NKD1: variants seen among roughly 807,000 people sequenced by gnomAD.
The protein encoded by NKD1 is protein naked cuticle homolog 1.
A neutral mutation model predicts 56.0 loss-of-function variants in NKD1; 21 were observed. That is an observed-to-expected ratio of 0.38 (90% CI 0.27 to 0.54). The LOEUF (loss-of-function observed/expected upper bound fraction) is 0.54. NKD1 is among the 20% of genes least tolerant of loss of function. NKD1 has a pLI of 0.82. For missense variants in NKD1, 578 were observed against 642.7 expected (o/e 0.90, Z 1.09); for synonymous variants, 263 against 265.7 (o/e 0.99, Z 0.10).
At chr16:50,608,036 T>C in intron 3 of NKD1, 3 of 483,102 alleles carry the variant, frequency 6.2e-6, no homozygotes, top group South Asian at 2.4e-5. Context: ...GTTGGTGAAA[T>C]GTGGGAGGCA....
chr16:50,573,815 C>T (rs1328815392), intron 3 of NKD1: 3 of 985,320 alleles, frequency 3.0e-6, no homozygotes, highest in East Asian at 2.3e-4. Context: ...TGAGAACTCT[C>T]ACGGAAACGG....
At position 50,612,418 on chromosome 16, in the gene NKD1, T is replaced by G. The variant is rs548206217; in HGVS notation, c.259+4058T>G. Among the ~76,000 whole-genome samples, 20 of 152,354 alleles carry G rather than the reference T, an allele frequency of 1.3e-4. No homozygotes were observed. The South Asian group carries it at 4.1e-3, about 32-fold the overall frequency. Reference sequence around the variant, plus strand: ...CCCTCACTCCTCACCATTCAGTATGTGCTGGGCATTTGCTGCAGCTAGGGG... The same window carrying G: ...CCCTCACTCCTCACCATTCAGTATGGGCTGGGCATTTGCTGCAGCTAGGGG... On this transcript the variant is annotated intron_variant, in intron 4 of 9. Coordinates refer to ENST00000268459, the MANE Select transcript of NKD1 (RefSeq NM_033119.5).
chr16:50,592,791 C>T (rs908604407), intron 3 of NKD1, among the ~76,000 whole-genome samples: 4 of 141,030 alleles, frequency 2.8e-5, no homozygotes, highest in Non-Finnish European at 3.1e-5. Flanking sequence ...GGGGAGGGGG[C>T]GGAATTGAAG....
In NKD1 at chr16:50,633,696, G is replaced by T; in HGVS notation, c.1328G>T (p.Ser443Ile). The change falls in exon 10 of 10, where the codon AGC becomes ATC. Residue 443 changes from serine to isoleucine, a missense_variant. Physicochemically the swap from Ser to Ile is moderately radical, Grantham distance 142. Transcript: ENST00000268459. This position sits in a 1 kb window ranked among gnomAD's most constrained non-coding sequence, Gnocchi z 4.9. ...RELPALVVYE[S>I]QAGQPVQRHE... ...CTGCCCGCCTTGGTGGTGTATGAGA[G>T]CCAGGCCGGGCAGCCGGTCCAGAGA... The T allele has an allele frequency of 6.3e-7, 1 of 1,593,790 alleles. No homozygotes were observed. The highest frequency in any genetic ancestry group is 1.1e-5 in the South Asian group (1 of 88,622).
intron 3 of NKD1, among the ~76,000 whole-genome samples, chr16:50,581,713 A>G (rs1567340141): frequency 6.6e-6 from 1 of 152,170 alleles, no homozygotes; most frequent in Non-Finnish European, 1.5e-5. Context: ...TGGGGCTTCC[A>G]CAGAGCTGGT....
intron 3 of NKD1, among the ~76,000 whole-genome samples, chr16:50,576,132 C>A (rs1960989047): frequency 6.6e-6 from 1 of 152,212 alleles, no homozygotes; most frequent in Admixed American, 6.5e-5. Context: ...TTGGCTTATT[C>A]CTGCCTTTTG....
Position 50,642,882 on chromosome 16 carries a change from A to G in NKD1, c.*9101A>G, listed in dbSNP as rs1462001822. The G allele has an allele frequency of 6.6e-6, 1 of 152,140 alleles. No individual in the cohort carries two copies. Among genetic ancestry groups the G allele is most frequent in the Non-Finnish European group, 1.5e-5 (1 of 68,044 alleles). The allele number at this position is 152,140 out of a possible 1,614,324, so 9.4% of individuals were successfully genotyped here. A position where few individuals can be genotyped will look rare whatever the true frequency, so the allele number is the denominator to read the frequency against. On this transcript the variant is annotated 3_prime_UTR_variant, in exon 10 of 10. Transcript: ENST00000268459. Reference sequence around the variant, plus strand: ...TTTCCCTCTCAAGTTTGATGGGATCACTCTGTTCCTTCCAGACCCGACTTG... The same window carrying G: ...TTTCCCTCTCAAGTTTGATGGGATCGCTCTGTTCCTTCCAGACCCGACTTG...
intron 4 of NKD1, among the ~76,000 whole-genome samples, chr16:50,620,765 T>C (rs972327790): frequency 1.3e-5 from 2 of 152,202 alleles, no homozygotes; most frequent in Non-Finnish European, 2.9e-5. Flanking sequence ...ACAATGATGC[T>C]ACCCGGAGCT....
chr16:50,621,453 G>A (rs1417585306), intron 4 of NKD1, 149 bp from the exon 5 acceptor site: 14 of 587,496 alleles, frequency 2.4e-5, no homozygotes, highest in Non-Finnish European at 3.9e-5. Flanking sequence ...GTAGTGTGAT[G>A]TTGACCCCAG....
rs1450519803 is a variant in NKD1, at chr16:50,646,113, C to T, written c.*12332C>T. The T allele has an allele frequency of 5.7e-5, 1 of 17,564 alleles. No homozygotes were observed. The highest frequency in any genetic ancestry group is 1.1e-4 in the Non-Finnish European group (1 of 9,428). The allele number at this position is 17,564 out of a possible 1,614,324, so 1.1% of individuals were successfully genotyped here. On this transcript the variant is annotated 3_prime_UTR_variant, in exon 10 of 10. Coordinates refer to ENST00000268459, the MANE Select transcript of NKD1 (RefSeq NM_033119.5). ...GGCTTCTGTGGAGACAAGATGCTAA[C>T]GGGGGCGGGGGAAGGGGGCCAGGGG...
In NKD1 at chr16:50,636,103, T is replaced by G. The variant is rs1033404469; in HGVS notation, c.*2322T>G. 1.3e-5 allele frequency: 2 copies of G among 152,256 alleles called. No individual in the cohort carries two copies. Among genetic ancestry groups the G allele is most frequent in the African/African-American group, 2.4e-5 (1 of 41,434 alleles). The allele number at this position is 152,256 out of a possible 1,614,324, so 9.4% of individuals were successfully genotyped here. On this transcript the variant is annotated 3_prime_UTR_variant, in exon 10 of 10. Transcript: ENST00000268459. ...AGGATTCTGCTTGGCTGGGCTTCGA[T>G]CTGGTACCCATAGCTGGACCAATCA...
At chr16:50,562,553 GA>G (rs1334046010) in intron 3 of NKD1, among the ~76,000 whole-genome samples, 1 of 152,204 alleles carries the variant, frequency 6.6e-6, no homozygotes, top group Non-Finnish European at 1.5e-5. Flanking sequence ...AGTGGAGAGA[GA>G]AGACAGCAGC....
At chr16:50,566,815 A>C (rs377176371) in intron 3 of NKD1, among the ~76,000 whole-genome samples, 8 of 152,280 alleles carry the variant, frequency 5.3e-5, no homozygotes, top group African/African-American at 1.7e-4. Context: ...CCTTCCTTTC[A>C]AGCTTCTGAC....
intron 3 of NKD1, chr16:50,557,084 T>A (rs1170022891): frequency 2.0e-5 from 3 of 152,120 alleles, no homozygotes; most frequent in African/African-American, 7.2e-5. Context: ...GGGCATTGAG[T>A]ACCTGCTTTA....
intron 3 of NKD1, among the ~76,000 whole-genome samples, chr16:50,596,677 C>T (rs909427786): frequency 6.6e-6 from 1 of 152,248 alleles, no homozygotes; most frequent in Admixed American, 6.5e-5. Flanking sequence ...GTTCAACACA[C>T]GCTGGTCGAG....
chr16:50,631,542 C>T (rs575182374), intron 8 of NKD1, among the ~76,000 whole-genome samples: 1 of 152,304 alleles, frequency 6.6e-6, no homozygotes, highest in South Asian at 2.1e-4. Context: ...AAAGAAAAAA[C>T]AGTTCAAGCA....
chr16:50,574,337 C>T (rs542170539), intron 3 of NKD1: 1 of 985,226 alleles, frequency 1.0e-6, no homozygotes, highest in Non-Finnish European at 1.2e-6. Flanking sequence ...GCTGAGGTGT[C>T]CTGGGAGGGC....
chr16:50,585,425 C>A (rs1431905464), intron 3 of NKD1, among the ~76,000 whole-genome samples: 1 of 152,188 alleles, frequency 6.6e-6, no homozygotes, highest in African/African-American at 2.4e-5. Context: ...CCAAGGAATT[C>A]GGGGCCTGAG....
At chr16:50,608,761 A>G (rs1961775855) in intron 4 of NKD1, among the ~76,000 whole-genome samples, 1 of 152,122 alleles carries the variant, frequency 6.6e-6, no homozygotes, top group Admixed American at 6.5e-5. Flanking sequence ...TTCCTCCATC[A>G]TGTCACTCTC....
Sources: gnomAD v4.1 joint callset for allele counts (sites outside exome capture counted in the v4.1 genomes callset) on GRCh38, gnomAD v4.1.1 for gene constraint, Gnocchi (gnomAD v3.1) non-coding constraint, MANE v1.5 for transcripts, NCBI Gene and HGNC (gene_info 2026-07-23, HGNC 2026-07-21) for gene names.